The following DRC11 variants were observed in gnomAD, a reference collection of about 807,000 sequenced individuals.
DRC11 encodes dynein regulatory complex subunit 11.
the DRC11 span, among the ~76,000 whole-genome samples, chr2:236,486,666 C>T: frequency 1.3e-5 from 2 of 152,190 alleles, no homozygotes; most frequent in Non-Finnish European, 2.9e-5. This position sits in a 1 kb window ranked among gnomAD's most constrained non-coding sequence, Gnocchi z 5.7. Flanking sequence ...CTGATCTCTT[C>T]AGATCTCCCT....
At chr2:236,428,104 T>C in the DRC11 span, among the ~76,000 whole-genome samples, 2 of 152,214 alleles carry the variant, frequency 1.3e-5, no homozygotes, top group African/African-American at 4.8e-5. Context: ...ATATACTTCA[T>C]ATGATTTTGA....
At chr2:236,389,339 G>A in the DRC11 span, among the ~76,000 whole-genome samples, 1 of 152,240 alleles carries the variant, frequency 6.6e-6, no homozygotes, top group African/African-American at 2.4e-5. Context: ...GACCCTCGGA[G>A]CCAGGTGCCG....
At chr2:236,437,098 C>A in the DRC11 span, among the ~76,000 whole-genome samples, 3 of 122,284 alleles carry the variant, frequency 2.5e-5, no homozygotes, top group Non-Finnish European at 5.0e-5. Context: ...CCCCTCCCCC[C>A]ACCCCACAAC....
the DRC11 span, among the ~76,000 whole-genome samples, chr2:236,398,238 A>T: frequency 6.6e-6 from 1 of 152,180 alleles, no homozygotes; most frequent in African/African-American, 2.4e-5. The surrounding 1 kb of genome is among the most constrained non-coding windows in gnomAD (Gnocchi z 6.2). Context: ...TGCCAGTGTC[A>T]TCGTGTCCCC....
chr2:236,330,218 G>T, the DRC11 span, among the ~76,000 whole-genome samples: 1 of 152,126 alleles, frequency 6.6e-6, no homozygotes, highest in African/African-American at 2.4e-5. The surrounding 1 kb of genome is among the most constrained non-coding windows in gnomAD (Gnocchi z 5.5). Context: ...GCCAGAGCGG[G>T]GGTCAGCAAA....
At chr2:236,491,186 CAG>C in the DRC11 span, among the ~76,000 whole-genome samples, 4 of 41,994 alleles carry the variant, frequency 9.5e-5, no homozygotes, top group Non-Finnish European at 1.4e-4. Context: ...TATATACACA[CAG>C]TATATATATA....
At chr2:236,442,247 G>A in the DRC11 span, among the ~76,000 whole-genome samples, 2 of 152,204 alleles carry the variant, frequency 1.3e-5, no homozygotes, top group African/African-American at 2.4e-5. Context: ...AAAAACTAGC[G>A]AGAAGAGTGT....
At chr2:236,343,625 G>A in the DRC11 span, 11 of 918,540 alleles carry the variant, frequency 1.2e-5, no homozygotes, top group South Asian at 9.6e-5. This position sits in a 1 kb window ranked among gnomAD's most constrained non-coding sequence, Gnocchi z 6.6. Context: ...CACGTGAGAC[G>A]AAACACTGCC....
chr2:236,347,508 C>CCATATATATATATATATATATATATATA, the DRC11 span, among the ~76,000 whole-genome samples: 5 of 107,492 alleles, frequency 4.7e-5, no homozygotes, highest in Admixed American at 9.2e-5. Context: ...AAAAACTGTG[C>CCATATATATATATATATATATATATATA]TATATATATA....
the DRC11 span, among the ~76,000 whole-genome samples, chr2:236,491,532 T>A: frequency 6.6e-6 from 1 of 151,814 alleles, no homozygotes. Flanking sequence ...CAAAGAGGAA[T>A]TTTTAGGATT....
chr2:236,380,145 G>C, the DRC11 span, among the ~76,000 whole-genome samples: 1 of 152,140 alleles, frequency 6.6e-6, no homozygotes, highest in African/African-American at 2.4e-5. This position sits in a 1 kb window ranked among gnomAD's most constrained non-coding sequence, Gnocchi z 4.9. Flanking sequence ...CTCTGAGAAA[G>C]GACACCGCCC....
chr2:236,331,333 A>T, the DRC11 span: 2 of 1,508,458 alleles, frequency 1.3e-6, no homozygotes, highest in South Asian at 2.2e-5. The surrounding 1 kb of genome is among the most constrained non-coding windows in gnomAD (Gnocchi z 4.8). Context: ...TGCTGCTAAG[A>T]CTTGGTCATC....
chr2:236,439,971 G>A, the DRC11 span, among the ~76,000 whole-genome samples: 4 of 152,132 alleles, frequency 2.6e-5, no homozygotes, highest in East Asian at 3.8e-4. Flanking sequence ...TTAAAGAATC[G>A]TAAAATATGG....
At chr2:236,469,453 A>G in the DRC11 span, among the ~76,000 whole-genome samples, 2 of 152,228 alleles carry the variant, frequency 1.3e-5, no homozygotes, top group Non-Finnish European at 2.9e-5. The surrounding 1 kb of genome is among the most constrained non-coding windows in gnomAD (Gnocchi z 5.8). Context: ...AGACATGACT[A>G]TCCCACTTAA....
the DRC11 span, among the ~76,000 whole-genome samples, chr2:236,357,138 T>C: frequency 7.6e-6 from 1 of 131,614 alleles, no homozygotes; most frequent in Non-Finnish European, 1.5e-5. Context: ...TCGTATATTA[T>C]ATATCTATAT....
the DRC11 span, chr2:236,368,268 T>C: frequency 6.2e-7 from 1 of 1,606,880 alleles, no homozygotes; most frequent in Non-Finnish European, 8.5e-7. Flanking sequence ...TATGGACACC[T>C]GGCGAAGAGT....
chr2:236,368,010 C>A, the DRC11 span: 1 of 636,622 alleles, frequency 1.6e-6, no homozygotes, highest in South Asian at 1.8e-5. Context: ...GAAGTGCTCT[C>A]CCTGGTAGTA....
the DRC11 span, among the ~76,000 whole-genome samples, chr2:236,499,387 C>A: frequency 6.6e-6 from 1 of 152,280 alleles, no homozygotes; most frequent in Admixed American, 6.5e-5. This position sits in a 1 kb window ranked among gnomAD's most constrained non-coding sequence, Gnocchi z 4.7. Context: ...ATTCTCTGCC[C>A]TTCCTCCATT....
chr2:236,342,613 G>A, the DRC11 span, among the ~76,000 whole-genome samples: 1 of 152,212 alleles, frequency 6.6e-6, no homozygotes, highest in Non-Finnish European at 1.5e-5. This position sits in a 1 kb window ranked among gnomAD's most constrained non-coding sequence, Gnocchi z 5.8. Context: ...TCACTGCACG[G>A]TGCAGGCCGA....
Sources: allele counts gnomAD v4.1 joint callset (sites outside exome capture counted in the v4.1 genomes callset), GRCh38; gene constraint gnomAD v4.1.1; non-coding constraint Gnocchi (gnomAD v3.1); transcripts MANE v1.5; gene names NCBI Gene and HGNC (gene_info 2026-07-23, HGNC 2026-07-21).